The following MPZL1 variants were observed in gnomAD, a reference collection of about 807,000 sequenced individuals.
The protein encoded by MPZL1 is myelin protein zero like 1, also known as myelin protein zero-like protein 1.
In MPZL1, 16 loss-of-function variants were observed where a neutral mutation model predicts 29.3. The observed-to-expected ratio is 0.55, with a 90% confidence interval of 0.37 to 0.83. The LOEUF (loss-of-function observed/expected upper bound fraction) is 0.83. Among genes scored for constraint, MPZL1 ranks in the 40% least tolerant of loss-of-function variants. The pLI is 0.00. For missense variants in MPZL1, 279 were observed against 332.9 expected (o/e 0.84, Z 1.26); for synonymous variants, 143 against 132.0 (o/e 1.08, Z -0.57).
intron 2 of MPZL1, among the ~76,000 whole-genome samples, chr1:167,771,149 A>T (rs1188754221): frequency 6.6e-6 from 1 of 152,104 alleles, no homozygotes; most frequent in Non-Finnish European, 1.5e-5. Context: ...GGCCTTCCGC[A>T]GTGTTTGTGT....
intron 1 of MPZL1, among the ~76,000 whole-genome samples, chr1:167,730,689 C>T (rs1020816115): frequency 3.9e-5 from 6 of 152,176 alleles, no homozygotes; most frequent in African/African-American, 1.4e-4. Context: ...GTTCCTTGCC[C>T]CTCATTACAC....
chr1:167,741,968 G>T (rs1571142634), intron 1 of MPZL1, among the ~76,000 whole-genome samples: 1 of 152,070 alleles, frequency 6.6e-6, no homozygotes, highest in East Asian at 1.9e-4. Context: ...GGGAGGTTGA[G>T]GGTGAAGTGA....
At chr1:167,769,880 G>C (rs115592866) in intron 2 of MPZL1, among the ~76,000 whole-genome samples, 4,990 of 152,264 alleles carry the variant, frequency 0.033, 156 homozygotes, top group Non-Finnish European at 0.041. Context: ...AGAGAAGAGA[G>C]AACTGAGAGA....
intron 2 of MPZL1, among the ~76,000 whole-genome samples, chr1:167,766,963 C>G (rs562982679): frequency 6.6e-6 from 1 of 151,250 alleles, no homozygotes; most frequent in East Asian, 2.0e-4. Context: ...TAAAAGGAGC[C>G]TTTTCACATT....
At chr1:167,773,115 T>A in intron 3 of MPZL1, 121 bp from the exon 4 acceptor site, 1 of 971,704 alleles carries the variant, frequency 1.0e-6, no homozygotes, top group Non-Finnish European at 1.5e-6. Context: ...TCTCATAGTT[T>A]GGATAATAAA....
intron 1 of MPZL1, among the ~76,000 whole-genome samples, chr1:167,725,631 G>C (rs570018155): frequency 6.6e-6 from 1 of 151,990 alleles, no homozygotes; most frequent in Non-Finnish European, 1.5e-5. Flanking sequence ...GACTACAGGC[G>C]CATGCCACCA....
chr1:167,764,437 C>T (rs933870125), intron 1 of MPZL1, among the ~76,000 whole-genome samples: 4 of 152,268 alleles, frequency 2.6e-5, no homozygotes, highest in South Asian at 2.1e-4. Context: ...ATGTGATATA[C>T]GGTGTAATCA....
chr1:167,727,527 G>A (rs573510749), intron 1 of MPZL1, among the ~76,000 whole-genome samples: 41 of 152,276 alleles, frequency 2.7e-4, no homozygotes, highest in African/African-American at 9.6e-4. Flanking sequence ...TAGCCCCATC[G>A]AAGACGGTAT....
chr1:167,769,338 T>C (rs1661191163), intron 2 of MPZL1, among the ~76,000 whole-genome samples: 1 of 152,154 alleles, frequency 6.6e-6, no homozygotes, highest in Non-Finnish European at 1.5e-5. Flanking sequence ...TTGTGTATTC[T>C]TGAGTATAGT....
intron 1 of MPZL1, among the ~76,000 whole-genome samples, chr1:167,745,301 T>C (rs146389648): frequency 5.9e-5 from 9 of 152,208 alleles, no homozygotes; most frequent in African/African-American, 2.2e-4. Context: ...ATTACAAATA[T>C]ATTTTTAAGT....
intron 1 of MPZL1, among the ~76,000 whole-genome samples, chr1:167,727,112 A>G (rs12064582): frequency 0.16 from 24,752 of 152,268 alleles, 2,126 homozygotes; most frequent in East Asian, 0.2. Flanking sequence ...GGGATATGTT[A>G]TAGGGTTTCT....
intron 1 of MPZL1, among the ~76,000 whole-genome samples, chr1:167,722,847 A>G (rs1660066460): frequency 1.3e-5 from 2 of 152,204 alleles, no homozygotes; most frequent in Admixed American, 6.5e-5. Context: ...TCTAGGTTAG[A>G]ATGCAAAGAG....
In MPZL1 at chr1:167,722,262, G is replaced by C. The variant is rs1240460447; in HGVS notation, c.91+20G>C. 8.1e-7 allele frequency: 1 copy of C among 1,237,236 alleles called. No homozygotes were observed. Among genetic ancestry groups the C allele is most frequent in the Non-Finnish European group, 1.0e-6 (1 of 987,284 alleles). 76.6% of individuals were successfully genotyped at this position (1,237,236 alleles called of 1,614,324 possible). A position where few individuals can be genotyped will look rare whatever the true frequency, so the allele number is the denominator to read the frequency against. ...GGCTCTGTAAGTGATGCCAGGACCA[G>C]GGCTGGGGCCGGGGAGTGGGGCCCC... is the stretch of plus-strand genomic sequence containing the variant. On this transcript the variant is annotated intron_variant, in intron 1 of 5. Coordinates refer to ENST00000359523, the MANE Select transcript of MPZL1 (RefSeq NM_003953.6).
chr1:167,769,269 A>G (rs561223695), intron 2 of MPZL1, among the ~76,000 whole-genome samples: 2 of 152,148 alleles, frequency 1.3e-5, no homozygotes, highest in East Asian at 3.9e-4. Context: ...GACTTTTTTT[A>G]TACAGTAACT....
At chr1:167,772,162 T>G in intron 2 of MPZL1, 113 bp from the exon 3 acceptor site, 1 of 822,650 alleles carries the variant, frequency 1.2e-6, no homozygotes, top group Non-Finnish European at 1.9e-6. Flanking sequence ...AGAGAGATGT[T>G]GCATTTCTTT....
At chr1:167,722,464 C>T (rs889746403) in intron 1 of MPZL1, among the ~76,000 whole-genome samples, 2 of 152,218 alleles carry the variant, frequency 1.3e-5, no homozygotes, top group Non-Finnish European at 2.9e-5. Flanking sequence ...TTTCCTGGAT[C>T]CTGGAGTGCG....
chr1:167,763,805 G>T (rs901094628), intron 1 of MPZL1, among the ~76,000 whole-genome samples: 2 of 152,070 alleles, frequency 1.3e-5, no homozygotes, highest in African/African-American at 4.8e-5. Flanking sequence ...GGTTTGGACC[G>T]CAAATAATAA....
chr1:167,753,240 G>A (rs1435105570), intron 1 of MPZL1, among the ~76,000 whole-genome samples: 2 of 152,172 alleles, frequency 1.3e-5, no homozygotes, highest in African/African-American at 4.8e-5. Context: ...AGCTGGCTGC[G>A]TGGCATGTTG....
chr1:167,729,342 T>G (rs1044975430), intron 1 of MPZL1, among the ~76,000 whole-genome samples: 1 of 152,114 alleles, frequency 6.6e-6, no homozygotes, highest in Admixed American at 6.5e-5. Flanking sequence ...AACATTAAGT[T>G]TACAATGTGG....
Sources: gnomAD v4.1 joint callset for allele counts (sites outside exome capture counted in the v4.1 genomes callset) on GRCh38, gnomAD v4.1.1 for gene constraint, MANE v1.5 for transcripts, NCBI Gene and HGNC (gene_info 2026-07-23, HGNC 2026-07-21) for gene names.